The following LPP variants were observed in gnomAD, a reference collection of about 807,000 sequenced individuals.
The protein encoded by LPP is lipoma-preferred partner.
LPP carries 38 observed loss-of-function variants against 60.4 expected under a neutral mutation model. That is an observed-to-expected ratio of 0.63 (90% CI 0.49 to 0.83). The LOEUF (loss-of-function observed/expected upper bound fraction) is 0.83. LPP is among the 40% of genes least tolerant of loss of function. The probability of loss-of-function intolerance (pLI) is 0.00; values close to 1 mark genes in which losing one functional copy is unlikely to be tolerated. For missense variants in LPP, 902 were observed against 783.6 expected (o/e 1.15, Z -1.80); for synonymous variants, 328 against 290.8 (o/e 1.13, Z -1.30).
intron 5 of LPP, among the ~76,000 whole-genome samples, chr3:188,503,377 T>C (rs1373269345): frequency 1.3e-5 from 2 of 152,128 alleles, no homozygotes; most frequent in Non-Finnish European, 2.9e-5. Context: ...ACCAATCAAA[T>C]TACAATAATA....
chr3:188,312,476 T>C (rs1008230875), intron 2 of LPP, among the ~76,000 whole-genome samples: 1 of 152,234 alleles, frequency 6.6e-6, no homozygotes, highest in Non-Finnish European at 1.5e-5. Flanking sequence ...ATATAGTTAA[T>C]CCTTTTTTGA....
At position 188,887,168 on chromosome 3, in the gene LPP, G is replaced by A. The variant is rs893568398; in HGVS notation, c.*12689G>A. 8.8e-6 allele frequency: 2 copies of A among 226,126 alleles called. No individual in the cohort carries two copies. Among genetic ancestry groups the A allele is most frequent in the East Asian group, 6.4e-5 (1 of 15,726 alleles). The allele number at this position is 226,126 out of a possible 1,614,324, so 14.0% of individuals were successfully genotyped here. On this transcript the variant is annotated 3_prime_UTR_variant, in exon 12 of 12. Transcript: ENST00000617246. ...AGAGTAAATATGAAGTCTGAATGTCGTTCCTCACCCCCAAATTGTTTAACT... is the reference window on the plus strand; with the variant it reads ...AGAGTAAATATGAAGTCTGAATGTCATTCCTCACCCCCAAATTGTTTAACT...
intron 1 of LPP, chr3:188,208,244 A>C (rs1733829604): frequency 6.6e-6 from 1 of 152,184 alleles, no homozygotes; most frequent in Admixed American, 6.5e-5. Flanking sequence ...GAAAGGCCTG[A>C]AGGAAGCCAG....
intron 6 of LPP, among the ~76,000 whole-genome samples, chr3:188,528,853 T>A (rs1187376126): frequency 6.6e-6 from 1 of 152,180 alleles, no homozygotes; most frequent in Non-Finnish European, 1.5e-5. Flanking sequence ...TTACCATCGA[T>A]GAAAGCTGGC....
At chr3:188,561,103 T>C (rs1346024766) in intron 6 of LPP, among the ~76,000 whole-genome samples, 3 of 152,150 alleles carry the variant, frequency 2.0e-5, no homozygotes, top group Non-Finnish European at 4.4e-5. Context: ...ATCTGGTTTT[T>C]CTTGCATGAG....
At chr3:188,457,739 A>AAAAAAATAT (rs1553903685) in intron 4 of LPP, among the ~76,000 whole-genome samples, 114 of 140,070 alleles carry the variant, frequency 8.1e-4, no homozygotes, top group African/African-American at 2.9e-3. Context: ...AAAAAAAAAA[A>AAAAAAATAT]ATATATATAT....
chr3:188,534,623 A>C (rs1823077985), intron 6 of LPP, among the ~76,000 whole-genome samples: 1 of 152,226 alleles, frequency 6.6e-6, no homozygotes, highest in South Asian at 2.1e-4. Context: ...TTTTTAACTC[A>C]AGATGACTAG....
intron 6 of LPP, chr3:188,562,098 C>T (rs916497980): frequency 3.9e-5 from 6 of 152,158 alleles, no homozygotes; most frequent in South Asian, 4.1e-4. Context: ...TACAAACACA[C>T]ACACTCATCC....
chr3:188,715,977 A>G (rs1405856654), intron 8 of LPP, among the ~76,000 whole-genome samples: 1 of 152,324 alleles, frequency 6.6e-6, no homozygotes, highest in South Asian at 2.1e-4. Flanking sequence ...GACATTGTTT[A>G]TATGATATTG....
At chr3:188,364,080 C>T (rs1043240978) in intron 3 of LPP, among the ~76,000 whole-genome samples, 1 of 152,202 alleles carries the variant, frequency 6.6e-6, no homozygotes, top group Non-Finnish European at 1.5e-5. Context: ...TTTGCCTCAT[C>T]ATCCTCCAAC....
At chr3:188,760,035 C>A in intron 8 of LPP, 78 bp from the exon 9 acceptor site, 1 of 1,307,724 alleles carries the variant, frequency 7.6e-7, no homozygotes, top group East Asian at 2.4e-5. Context: ...CGTTATGAAC[C>A]TGCTTTCTCC....
At chr3:188,800,913 T>A (rs1269830992) in intron 9 of LPP, among the ~76,000 whole-genome samples, 1 of 152,158 alleles carries the variant, frequency 6.6e-6, no homozygotes, top group East Asian at 1.9e-4. Context: ...TCCTTATTAG[T>A]GTATTGGTAG....
chr3:188,759,110 C>T (rs910260790), intron 8 of LPP, among the ~76,000 whole-genome samples: 5 of 152,144 alleles, frequency 3.3e-5, no homozygotes, highest in African/African-American at 1.2e-4. Flanking sequence ...ACGTCTAGCT[C>T]AAGATTCCCA....
At chr3:188,656,141 G>A (rs866878023) in intron 7 of LPP, among the ~76,000 whole-genome samples, 10 of 149,436 alleles carry the variant, frequency 6.7e-5, no homozygotes, top group Non-Finnish European at 1.2e-4. Context: ...GCAGTGAGCC[G>A]AGGTCACGCC....
Position 188,278,946 on chromosome 3 carries a change from C to G in LPP, c.-67+53419C>G, listed in dbSNP as rs138119743. Among the ~76,000 whole-genome samples, 331 of 152,284 alleles carry G rather than the reference C, an allele frequency of 2.2e-3. 3 individuals carry two copies. The highest frequency in any genetic ancestry group is 7.4e-3 in the African/African-American group (308 of 41,552). The stretch of plus-strand genomic sequence containing the variant: ...TGTATTACTTTACATTTGTGAACTG[C>G]TTTCCCATGATTTATTAGCTGTTCT... On this transcript the variant is annotated intron_variant, in intron 2 of 11. Transcript: ENST00000617246.
intron 2 of LPP, among the ~76,000 whole-genome samples, chr3:188,284,814 C>T (rs1235322281): frequency 2.0e-5 from 3 of 151,954 alleles, no homozygotes; most frequent in African/African-American, 4.8e-5. Flanking sequence ...GCCCCATTTC[C>T]TGCCCTCTCA....
intron 6 of LPP, among the ~76,000 whole-genome samples, chr3:188,530,824 G>A (rs1821988898): frequency 6.6e-6 from 1 of 152,144 alleles, no homozygotes; most frequent in African/African-American, 2.4e-5. Context: ...ACATCTTTAA[G>A]CTAGTATATA....
chr3:188,314,483 T>C (rs6770744), intron 2 of LPP, among the ~76,000 whole-genome samples: 12,213 of 152,200 alleles, frequency 0.08, 1,436 homozygotes, highest in African/African-American at 0.26. Context: ...AAAATAATTA[T>C]CAACTTGTTC....
intron 7 of LPP, among the ~76,000 whole-genome samples, chr3:188,612,148 C>T (rs1843844597): frequency 6.6e-6 from 1 of 152,046 alleles, no homozygotes; most frequent in Non-Finnish European, 1.5e-5. Context: ...ACATCATATT[C>T]GGCTGTGCAT....
Sources: allele counts gnomAD v4.1 joint callset (sites outside exome capture counted in the v4.1 genomes callset), GRCh38; gene constraint gnomAD v4.1.1; transcripts MANE v1.5; gene names NCBI Gene and HGNC (gene_info 2026-07-23, HGNC 2026-07-21).